The following GLB1L3 variants were observed in gnomAD, a reference collection of about 807,000 sequenced individuals.
GLB1L3 encodes the protein galactosidase beta 1 like 3.
GLB1L3 carries 89 observed loss-of-function variants against 89.5 expected under a neutral mutation model. The observed-to-expected ratio is 0.99, with a 90% CI of 0.84 to 1.19. The LOEUF (loss-of-function observed/expected upper bound fraction) is 1.19. GLB1L3 is among the 50% of genes most tolerant of loss of function. GLB1L3 has a pLI of 0.00. For synonymous variants in GLB1L3, 314 were observed against 312.3 expected (o/e 1.01, Z -0.06); for missense variants, 812 against 813.3 (o/e 1.00, Z 0.02).
chr11:134,307,083 G>GT lies in GLB1L3; in HGVS notation c.877-35dup, dbSNP rs558925906. On this transcript the variant is annotated intron_variant, in intron 9 of 19. Transcript: ENST00000431683. The stretch of plus-strand genomic sequence containing the variant: ...TCAGGTTTTCTGATTTTTCTTTTTT[G>GT]TTTTTTGCCAGACTTAGTATTTGCT... 1,070 of 1,495,142 alleles carry GT rather than the reference G, an allele frequency of 7.2e-4. 3 individuals are homozygous for GT. The highest frequency in any genetic ancestry group is 9.3e-4 in the Non-Finnish European group (1,009 of 1,084,072). 92.6% of individuals were successfully genotyped at this position (1,495,142 alleles called of 1,614,324 possible). A position where few individuals can be genotyped will look rare whatever the true frequency, so the allele number is the denominator to read the frequency against.
At chr11:134,284,505 G>C (rs1246543488) in intron 6 of GLB1L3, among the ~76,000 whole-genome samples, 1 of 152,150 alleles carries the variant, frequency 6.6e-6, no homozygotes. Flanking sequence ...AGGCAGGGGG[G>C]TCACCTGAGG....
intron 9 of GLB1L3, among the ~76,000 whole-genome samples, chr11:134,300,778 C>T (rs1941907123): frequency 6.6e-6 from 1 of 152,206 alleles, no homozygotes; most frequent in Non-Finnish European, 1.5e-5. Context: ...AAAATTTCCT[C>T]TTCTTATGAG....
intron 7 of GLB1L3, among the ~76,000 whole-genome samples, chr11:134,290,941 G>A (rs144879438): frequency 1.3e-5 from 2 of 151,862 alleles, no homozygotes; most frequent in Admixed American, 6.5e-5. Flanking sequence ...TTTTTTCCCT[G>A]GAGACTTTGA....
chr11:134,293,239 C>T, intron 9 of GLB1L3, 30 bp downstream of exon 9: 2 of 1,563,360 alleles, frequency 1.3e-6, no homozygotes, highest in Non-Finnish European at 1.8e-6. Flanking sequence ...CAGGGTTTTA[C>T]AGCTCCTCCT....
chr11:134,298,499 C>G (rs1941773400), intron 9 of GLB1L3, among the ~76,000 whole-genome samples: 1 of 152,150 alleles, frequency 6.6e-6, no homozygotes, highest in African/African-American at 2.4e-5. Flanking sequence ...CCACCCAAAT[C>G]TCAACTTGAA....
intron 9 of GLB1L3, among the ~76,000 whole-genome samples, chr11:134,295,923 G>A (rs1426095981): frequency 1.3e-5 from 2 of 152,128 alleles, no homozygotes; most frequent in East Asian, 1.9e-4. Context: ...GGATTTTCCA[G>A]CTAGTATTCT....
At chr11:134,304,779 A>G (rs1392215641) in intron 9 of GLB1L3, among the ~76,000 whole-genome samples, 1 of 152,146 alleles carries the variant, frequency 6.6e-6, no homozygotes, top group Non-Finnish European at 1.5e-5. Flanking sequence ...ACTTTATAAC[A>G]ATATTTTTGG....
chr11:134,312,754 G>C, intron 14 of GLB1L3, 62 bp from the exon 15 acceptor site: 6 of 1,371,392 alleles, frequency 4.4e-6, no homozygotes, highest in Non-Finnish European at 6.2e-6. Flanking sequence ...CCGAAACCGC[G>C]GCCTCTCTTC....
intron 9 of GLB1L3, among the ~76,000 whole-genome samples, chr11:134,295,298 A>C (rs957142283): frequency 2.6e-5 from 4 of 152,198 alleles, no homozygotes; most frequent in Admixed American, 2.0e-4. Flanking sequence ...ACAACACAGG[A>C]AAATTTAAGT....
intron 15 of GLB1L3, 64 bp downstream of exon 15, chr11:134,312,951 C>G: frequency 8.9e-7 from 1 of 1,124,750 alleles, no homozygotes; most frequent in South Asian, 1.3e-5. Context: ...GAGCCTGGTC[C>G]TGAGACAGTC....
intron 5 of GLB1L3, among the ~76,000 whole-genome samples, chr11:134,282,365 GGCCTTGGGCAT>G (rs1334807256): frequency 1.3e-5 from 2 of 152,058 alleles, no homozygotes; most frequent in Non-Finnish European, 2.9e-5. Context: ...TTGGTCCTGG[GGCCTTGGGCAT>G]GCGGTCAAGA....
At chr11:134,305,559 C>T (rs1942166441) in intron 9 of GLB1L3, among the ~76,000 whole-genome samples, 1 of 152,090 alleles carries the variant, frequency 6.6e-6, no homozygotes, top group South Asian at 2.1e-4. Flanking sequence ...GTCAAGCCCA[C>T]AGTACAATTT....
chr11:134,293,660 ACCT>A (rs1394315770), intron 9 of GLB1L3, among the ~76,000 whole-genome samples: 1 of 151,852 alleles, frequency 6.6e-6, no homozygotes, highest in Non-Finnish European at 1.5e-5. Context: ...TCAGTGGGTG[ACCT>A]CCTGTGACAT....
At position 134,312,428 on chromosome 11, in the gene GLB1L3, T is replaced by G; in HGVS notation, c.1367T>G (p.Leu456Arg). 1.2e-6 allele frequency: 2 copies of G among 1,613,752 alleles called. No individual in the cohort carries two copies. The highest frequency in any genetic ancestry group is 1.7e-6 in the Non-Finnish European group (2 of 1,179,886). ...NGSGQSYGLV[L>R]YEKSICSGGR... The stretch of plus-strand genomic sequence containing the variant: ...AGCGGCCAGTCCTACGGGCTTGTCC[T>G]GTATGAGAAGTCCATCTGCTCCGGA... Residue 456 changes from leucine to arginine, a missense_variant, in exon 14 of 20, where the codon CTG becomes CGG. This residue lies in a region of GLB1L3 where 618 missense variants were observed against 604.0 expected (regional missense o/e 1.02). Transcript: ENST00000431683.
chr11:134,321,487 C>G (rs183181198), downstream of GLB1L3, among the ~76,000 whole-genome samples: 459 of 152,238 alleles, frequency 3.0e-3, 1 homozygote, highest in Middle Eastern at 0.01. Context: ...TATTGTGGCA[C>G]TATTCACAGT....
intron 18 of GLB1L3, among the ~76,000 whole-genome samples, chr11:134,314,811 A>T (rs914499633): frequency 3.0e-4 from 46 of 152,198 alleles, no homozygotes; most frequent in African/African-American, 1.1e-3. Flanking sequence ...TTACACTAAT[A>T]GAATTGTACT....
intron 10 of GLB1L3, among the ~76,000 whole-genome samples, chr11:134,308,652 TC>T (rs1942553516): frequency 9.5e-6 from 1 of 105,304 alleles, no homozygotes; most frequent in Admixed American, 9.1e-5. Context: ...ATCACCACCA[TC>T]ATCACCACCA....
chr11:134,296,880 AAAAG>A (rs1330557639), intron 9 of GLB1L3, among the ~76,000 whole-genome samples: 3 of 144,736 alleles, frequency 2.1e-5, no homozygotes, highest in East Asian at 3.9e-4. Context: ...AACAAACAAA[AAAAG>A]AAAATAATGT....
chr11:134,289,364 CAG>C (rs577743930), intron 7 of GLB1L3, among the ~76,000 whole-genome samples: 22 of 151,836 alleles, frequency 1.4e-4, no homozygotes, highest in South Asian at 6.3e-4. Context: ...TTTGCTGACT[CAG>C]GGGTGGCAGA....
Sources: allele counts gnomAD v4.1 joint callset (sites outside exome capture counted in the v4.1 genomes callset), GRCh38; gene constraint gnomAD v4.1.1; regional missense constraint gnomAD v4.1.1; transcripts MANE v1.5; gene names NCBI Gene and HGNC (gene_info 2026-07-23, HGNC 2026-07-21).